The following BTNL8 variants were observed in gnomAD, a reference collection of about 807,000 sequenced individuals.
BTNL8 encodes butyrophilin-like protein 8.
Under a neutral mutation model 36.1 loss-of-function variants are expected in BTNL8, and 22 were observed. The ratio of observed to expected loss-of-function variants is 0.61; its 90% CI spans 0.44 to 0.87. The LOEUF is 0.87. Among genes scored for constraint, BTNL8 ranks in the 40% least tolerant of loss-of-function variants. The pLI, the probability that BTNL8 is intolerant of heterozygous loss-of-function variation, is 0.00. For synonymous variants in BTNL8, 203 were observed against 235.6 expected (o/e 0.86, Z 1.27); for missense variants, 526 against 616.9 (o/e 0.85, Z 1.56).
intron 1 of BTNL8, 141 bp from the exon 2 acceptor site, chr5:180,908,445 A>G (rs1357500978): frequency 7.5e-6 from 6 of 803,936 alleles, no homozygotes; most frequent in Non-Finnish European, 1.2e-5. Context: ...GGTACCTCAG[A>G]TGGAAATGCA....
chr5:180,902,440 A>G (rs1159647600), intron 1 of BTNL8: 1 of 1,528,868 alleles, frequency 6.5e-7, no homozygotes, highest in Middle Eastern at 1.7e-4. Context: ...TAGAAATAGG[A>G]TTGTGATGAA....
At chr5:180,932,559 T>G (rs111258823) in intron 3 of BTNL8, among the ~76,000 whole-genome samples, 1 of 151,934 alleles carries the variant, frequency 6.6e-6, no homozygotes, top group African/African-American at 2.4e-5. Flanking sequence ...CCATGTTAGC[T>G]AGGATGGTCT....
chr5:180,901,694 G>A (rs1185403464), intron 1 of BTNL8, among the ~76,000 whole-genome samples: 1 of 152,112 alleles, frequency 6.6e-6, no homozygotes, highest in Non-Finnish European at 1.5e-5. Flanking sequence ...AGACAATGAA[G>A]AAAGTTTCAA....
chr5:180,923,458 T>G (rs1171293905), intron 3 of BTNL8, among the ~76,000 whole-genome samples: 1 of 152,094 alleles, frequency 6.6e-6, no homozygotes, highest in East Asian at 1.9e-4. Flanking sequence ...TTAAAACACT[T>G]GTGAATCCAG....
chr5:180,911,735 A>T, intron 3 of BTNL8, 121 bp downstream of exon 3: 1 of 1,057,926 alleles, frequency 9.5e-7, no homozygotes, highest in South Asian at 1.7e-5. Context: ...GATTTATTTT[A>T]AAAGTTTAAA....
At chr5:180,944,346 A>T (rs1457239842) in intron 3 of BTNL8, among the ~76,000 whole-genome samples, 1 of 152,140 alleles carries the variant, frequency 6.6e-6, no homozygotes, top group Non-Finnish European at 1.5e-5. Flanking sequence ...CACCACAAAG[A>T]CACGACAAGT....
At chr5:180,921,817 A>C (rs1479661837) in intron 3 of BTNL8, among the ~76,000 whole-genome samples, 2 of 152,124 alleles carry the variant, frequency 1.3e-5, no homozygotes, top group African/African-American at 2.4e-5. Context: ...ACTTATCACC[A>C]AACTCTTTGA....
intron 3 of BTNL8, among the ~76,000 whole-genome samples, chr5:180,918,028 CAAAA>C (rs368211844): frequency 2.6e-5 from 3 of 115,006 alleles, no homozygotes; most frequent in Admixed American, 9.1e-5. Context: ...GATTCTGTCT[CAAAA>C]AAAAAAAAAA....
intron 3 of BTNL8, among the ~76,000 whole-genome samples, chr5:180,929,426 A>G (rs940777165): frequency 6.6e-6 from 1 of 152,224 alleles, no homozygotes. Flanking sequence ...GAGCAAACAC[A>G]TTCAAAAGCT....
At chr5:180,902,516 G>A in intron 1 of BTNL8, 1 of 1,060,024 alleles carries the variant, frequency 9.4e-7, no homozygotes, top group Admixed American at 2.6e-5. Flanking sequence ...CACTATAAAG[G>A]GTTTTTTTTT....
At chr5:180,908,282 G>C in intron 1 of BTNL8, among the ~76,000 whole-genome samples, 1 of 148,832 alleles carries the variant, frequency 6.7e-6, no homozygotes, top group Non-Finnish European at 1.5e-5. Flanking sequence ...TTCCAGGTGC[G>C]TCCGTCACCC....
At chr5:180,928,899 G>T (rs770007552) in intron 3 of BTNL8, among the ~76,000 whole-genome samples, 38 of 152,272 alleles carry the variant, frequency 2.5e-4, no homozygotes, top group Middle Eastern at 3.4e-3. Flanking sequence ...GTATTAGACA[G>T]ATCAACGAGA....
intron 3 of BTNL8, among the ~76,000 whole-genome samples, chr5:180,937,988 A>G (rs1295504408): frequency 6.6e-6 from 1 of 152,150 alleles, no homozygotes; most frequent in African/African-American, 2.4e-5. Flanking sequence ...ACTACAAAAC[A>G]GAGCTAAACA....
chr5:180,913,817 T>C (rs1267691592), intron 3 of BTNL8, among the ~76,000 whole-genome samples: 3 of 152,232 alleles, frequency 2.0e-5, no homozygotes, highest in Non-Finnish European at 4.4e-5. Context: ...TAACTACTCT[T>C]CTTTTGAAAA....
At chr5:180,905,009 T>A (rs544695863) in intron 1 of BTNL8, among the ~76,000 whole-genome samples, 1 of 150,994 alleles carries the variant, frequency 6.6e-6, no homozygotes, top group East Asian at 2.0e-4. Context: ...TGTCTCTGCC[T>A]GGCTTTGGTA....
At chr5:180,924,504 G>C (rs948139500) in intron 3 of BTNL8, among the ~76,000 whole-genome samples, 7 of 152,178 alleles carry the variant, frequency 4.6e-5, no homozygotes, top group Non-Finnish European at 8.8e-5. Flanking sequence ...AGCCCAATCA[G>C]CAGCACCACC....
chr5:180,929,456 C>G (rs1377145635), intron 3 of BTNL8, among the ~76,000 whole-genome samples: 3 of 152,028 alleles, frequency 2.0e-5, no homozygotes, highest in Non-Finnish European at 2.9e-5. Context: ...CAAGAAATAA[C>G]TAAGATAAGA....
intron 3 of BTNL8, among the ~76,000 whole-genome samples, chr5:180,920,402 G>A (rs978752014): frequency 2.0e-5 from 3 of 150,792 alleles, no homozygotes; most frequent in Non-Finnish European, 4.4e-5. Context: ...ATGCAACAGA[G>A]TGATATTGGA....
intron 1 of BTNL8, among the ~76,000 whole-genome samples, chr5:180,902,756 T>C (rs1756890437): frequency 7.0e-6 from 1 of 143,748 alleles, no homozygotes; most frequent in African/African-American, 2.6e-5. Context: ...TTCCCACCTA[T>C]GAGTGAGAAT....
Sources: gnomAD v4.1 joint callset for allele counts (sites outside exome capture counted in the v4.1 genomes callset) on GRCh38, gnomAD v4.1.1 for gene constraint, MANE v1.5 for transcripts, NCBI Gene and HGNC (gene_info 2026-07-23, HGNC 2026-07-21) for gene names.